EDIL3: variants seen among roughly 807,000 people sequenced by gnomAD.
The protein encoded by EDIL3 is EGF like and discoidin domains 3, also known as EGF-like repeat and discoidin I-like domain-containing protein 3.
In EDIL3, 37 loss-of-function variants were observed where a neutral mutation model predicts 67.4. The ratio of observed to expected loss-of-function variants is 0.55; its 90% confidence interval spans 0.42 to 0.72. EDIL3 has a LOEUF of 0.72. EDIL3 is among the 30% of genes least tolerant of loss of function. The probability of loss-of-function intolerance (pLI) is 0.00; values close to 1 mark genes in which losing one functional copy is unlikely to be tolerated. For synonymous variants in EDIL3, 195 were observed against 196.3 expected (o/e 0.99, Z 0.05); for missense variants, 527 against 586.3 (o/e 0.90, Z 1.04).
intron 4 of EDIL3, among the ~76,000 whole-genome samples, 154 bp downstream of exon 4, chr5:84,180,239 C>T (rs1748991260): frequency 6.6e-6 from 1 of 152,136 alleles, no homozygotes; most frequent in Admixed American, 6.6e-5. Flanking sequence ...CCACTGTGGA[C>T]ATGGTGTATT....
intron 4 of EDIL3, among the ~76,000 whole-genome samples, chr5:84,137,655 A>G (rs1748118021): frequency 6.6e-6 from 1 of 152,182 alleles, no homozygotes. Flanking sequence ...GTATCCTTAG[A>G]ATTAAATCAA....
At chr5:83,984,306 T>G (rs1383141059) in intron 9 of EDIL3, among the ~76,000 whole-genome samples, 1 of 152,040 alleles carries the variant, frequency 6.6e-6, no homozygotes, top group African/African-American at 2.4e-5. Context: ...TCTGGAAATA[T>G]CTGGCAAAAA....
intron 9 of EDIL3, among the ~76,000 whole-genome samples, chr5:83,991,046 C>T (rs1219793870): frequency 6.6e-6 from 1 of 152,190 alleles, no homozygotes; most frequent in Non-Finnish European, 1.5e-5. Context: ...AAGCACACTG[C>T]TGTACAGCAA....
intron 10 of EDIL3, among the ~76,000 whole-genome samples, chr5:83,954,958 T>C (rs1364515188): frequency 1.3e-5 from 2 of 151,830 alleles, no homozygotes; most frequent in Admixed American, 1.3e-4. Context: ...TAAAGTTTGA[T>C]AGTCTTGATC....
chr5:84,298,337 T>C (rs1413161958), intron 1 of EDIL3, among the ~76,000 whole-genome samples: 1 of 152,122 alleles, frequency 6.6e-6, no homozygotes, highest in Non-Finnish European at 1.5e-5. Context: ...GCAGAGCCAC[T>C]GATGAAGCTG....
chr5:84,311,522 T>A (rs1416465045), intron 1 of EDIL3, among the ~76,000 whole-genome samples: 1 of 152,128 alleles, frequency 6.6e-6, no homozygotes, highest in East Asian at 1.9e-4. Context: ...TTGTAATCTG[T>A]ATCTTAAACT....
At chr5:84,022,966 T>G (rs1745745572) in intron 9 of EDIL3, among the ~76,000 whole-genome samples, 1 of 151,978 alleles carries the variant, frequency 6.6e-6, no homozygotes, top group Non-Finnish European at 1.5e-5. Context: ...AAACTATGAC[T>G]TCATTATTAT....
chr5:83,982,853 T>C (rs781727655), intron 9 of EDIL3, among the ~76,000 whole-genome samples: 10 of 152,172 alleles, frequency 6.6e-5, no homozygotes, highest in South Asian at 6.2e-4. Flanking sequence ...ATCTATCTGA[T>C]GCATGTTTGG....
At chr5:84,036,404 T>A (rs1746022378) in intron 9 of EDIL3, among the ~76,000 whole-genome samples, 2 of 152,246 alleles carry the variant, frequency 1.3e-5, no homozygotes, top group Admixed American at 1.3e-4. Flanking sequence ...TGTTTCCATT[T>A]GTGTGACATC....
At chr5:84,346,140 T>TC (rs1344427457) in intron 1 of EDIL3, among the ~76,000 whole-genome samples, 1 of 147,564 alleles carries the variant, frequency 6.8e-6, no homozygotes, top group African/African-American at 2.5e-5. Context: ...TTTTTCTTTT[T>TC]TTTTTTTTTT....
intron 3 of EDIL3, among the ~76,000 whole-genome samples, chr5:84,200,466 A>C (rs1179404103): frequency 2.0e-5 from 3 of 151,992 alleles, no homozygotes; most frequent in Non-Finnish European, 4.4e-5. Context: ...GTAACACCAT[A>C]AGTTTTGAAA....
At chr5:84,126,293 G>T (rs560028346) in intron 5 of EDIL3, among the ~76,000 whole-genome samples, 1 of 152,022 alleles carries the variant, frequency 6.6e-6, no homozygotes, top group Non-Finnish European at 1.5e-5. Context: ...CATTATTTTG[G>T]GAGAAAATAT....
chr5:84,124,678 A>G (rs1307872303), intron 5 of EDIL3, among the ~76,000 whole-genome samples: 1 of 143,884 alleles, frequency 7.0e-6, no homozygotes, highest in African/African-American at 2.5e-5. Context: ...TAATACTGCT[A>G]CCCAAGGAAC....
chr5:83,942,859 A>C lies in EDIL3; in HGVS notation c.*560T>G, dbSNP rs1358102326. The C allele has an allele frequency of 1.3e-5, 2 of 152,686 alleles. No individual in the cohort carries two copies. The highest frequency in any genetic ancestry group is 4.8e-5 in the African/African-American group (2 of 41,460). 9.5% of individuals were successfully genotyped at this position (152,686 alleles called of 1,614,324 possible). A position where few individuals can be genotyped will look rare whatever the true frequency, so the allele number is the denominator to read the frequency against. Reference sequence around the variant, plus strand: ...CATAATCTCTTATTAGAAATAATGAAAGTAAAATGAGAATTATAATATCAG... The same window carrying C: ...CATAATCTCTTATTAGAAATAATGACAGTAAAATGAGAATTATAATATCAG... On this transcript the variant is annotated 3_prime_UTR_variant, in exon 11 of 11. Coordinates refer to ENST00000296591, the MANE Select transcript of EDIL3 (RefSeq NM_005711.5).
intron 9 of EDIL3, among the ~76,000 whole-genome samples, chr5:84,025,063 G>T (rs562581723): frequency 1.0e-3 from 154 of 152,078 alleles, no homozygotes; most frequent in African/African-American, 3.4e-3. Flanking sequence ...TGTCCTGTTG[G>T]CAAGAAATGG....
chr5:84,271,416 C>CAAATAAATAAATAAAT (rs70975550), intron 1 of EDIL3, among the ~76,000 whole-genome samples: 91 of 140,942 alleles, frequency 6.5e-4, no homozygotes, highest in African/African-American at 1.7e-3. Flanking sequence ...TCTGTCTCTA[C>CAAATAAATAAATAAAT]AAATAAATAA....
At chr5:84,148,376 A>C (rs1021514657) in intron 4 of EDIL3, among the ~76,000 whole-genome samples, 6 of 152,154 alleles carry the variant, frequency 3.9e-5, no homozygotes, top group African/African-American at 1.4e-4. Flanking sequence ...TTATCCAAAA[A>C]ATTGCAAAGC....
chr5:83,970,825 T>C (rs1007541964), intron 9 of EDIL3, among the ~76,000 whole-genome samples: 6 of 151,342 alleles, frequency 4.0e-5, no homozygotes, highest in Non-Finnish European at 7.4e-5. Flanking sequence ...CACCAGTATA[T>C]ATCTTGATAA....
chr5:84,060,410 T>C lies in EDIL3; in HGVS notation c.1027A>G (p.Thr343Ala), dbSNP rs763515083. 6.2e-7 allele frequency: 1 copy of C among 1,613,854 alleles called. No individual in the cohort carries two copies. ...YQITASSIFRTLNMDMFTWEP... is the reference protein window; with the variant it reads ...YQITASSIFRALNMDMFTWEP... ...CAAGTGAACATGTCCATGTTGAGCG[T>C]TCTGAAGATGCTGGAGGCAGTGATC... is the stretch of plus-strand genomic sequence containing the variant. The change falls in exon 9 of 11, where the codon ACG (threonine) becomes GCG (alanine). Residue 343 changes from threonine (T) to alanine (A), a missense_variant. Thr to Ala is a moderately conservative substitution (Grantham distance 58). Transcript: ENST00000296591.
Sources: gnomAD v4.1 joint callset for allele counts (sites outside exome capture counted in the v4.1 genomes callset) on GRCh38, gnomAD v4.1.1 for gene constraint, MANE v1.5 for transcripts, NCBI Gene and HGNC (gene_info 2026-07-23, HGNC 2026-07-21) for gene names.